SEPTIN14: variants seen among roughly 807,000 people sequenced by gnomAD.
SEPTIN14 encodes the protein septin 14.
Under a neutral mutation model 53.6 loss-of-function variants are expected in SEPTIN14, and 40 were observed. The ratio of observed to expected loss-of-function variants is 0.75; its 90% CI spans 0.58 to 0.97. The LOEUF (loss-of-function observed/expected upper bound fraction) is 0.97, where lower values mean the gene tolerates loss of function less well. SEPTIN14 is among the 50% of genes least tolerant of loss of function. The probability of loss-of-function intolerance (pLI) is 0.00; values close to 1 mark genes in which losing one functional copy is unlikely to be tolerated. For synonymous variants in SEPTIN14, 138 were observed against 166.8 expected (o/e 0.83, Z 1.33); for missense variants, 471 against 508.2 (o/e 0.93, Z 0.70).
At chr7:55,831,356 CA>C (rs1789106606) in intron 6 of SEPTIN14, among the ~76,000 whole-genome samples, 1 of 151,940 alleles carries the variant, frequency 6.6e-6, no homozygotes, top group South Asian at 2.1e-4. Context: ...ACAAAGTTGG[CA>C]AAAATAAACA....
Position 55,807,590 on chromosome 7 carries a change from T to C in SEPTIN14, c.818-332A>G, listed in dbSNP as rs1321418283. Among the ~76,000 whole-genome samples the C allele has an allele frequency of 2.0e-5, 3 of 152,302 alleles. No individual in the cohort carries two copies. In the East Asian group the frequency reaches 5.8e-4, roughly 29 times the overall value. ...ATGTTATAAACTACCTCTGGGTATT[T>C]TGGAGTGCTAACAGAATATGTAATA... is the stretch of plus-strand genomic sequence containing the variant. On this transcript the variant is annotated intron_variant, in intron 7 of 9. Coordinates refer to ENST00000388975, the MANE Select transcript of SEPTIN14 (RefSeq NM_207366.3).
chr7:55,831,323 T>C lies in SEPTIN14; in HGVS notation c.720+3102A>G, dbSNP rs549171985. Reference sequence around the variant, plus strand: ...ATAAAGAACCAGTAATAAAATCACATGCCTACAACCAAGTGATGTTTGACA... The same window carrying C: ...ATAAAGAACCAGTAATAAAATCACACGCCTACAACCAAGTGATGTTTGACA... On this transcript the variant is annotated intron_variant, in intron 6 of 9. Coordinates refer to ENST00000388975, the MANE Select transcript of SEPTIN14 (RefSeq NM_207366.3). 2.0e-5 allele frequency among the ~76,000 whole-genome samples: 3 copies of C among 152,232 alleles called. No individual in the cohort carries two copies. The East Asian group carries it at 5.8e-4, about 29-fold the overall frequency.
intron 7 of SEPTIN14, among the ~76,000 whole-genome samples, chr7:55,812,981 G>A (rs1488854458): frequency 1.3e-5 from 2 of 150,586 alleles, no homozygotes; most frequent in African/African-American, 2.4e-5. Context: ...ATGGAGTCTC[G>A]CTCTTTCACG....
chr7:55,836,088 C>A (rs1044649265), intron 5 of SEPTIN14, among the ~76,000 whole-genome samples: 1 of 151,794 alleles, frequency 6.6e-6, no homozygotes, highest in African/African-American at 2.4e-5. Flanking sequence ...TGTGTGTGTG[C>A]GCGTGTGTGT....
chr7:55,810,832 T>C (rs925339333), intron 7 of SEPTIN14: 26 of 295,708 alleles, frequency 8.8e-5, no homozygotes, highest in African/African-American at 4.4e-4. Flanking sequence ...CCAGGGATCA[T>C]GAAGACCCTC....
chr7:55,861,472 A>C (rs2116091588), intron 2 of SEPTIN14, among the ~76,000 whole-genome samples: 1 of 151,826 alleles, frequency 6.6e-6, no homozygotes, highest in East Asian at 1.9e-4. Flanking sequence ...ACTGCACTCC[A>C]GCCTGAGCAA....
At chr7:55,852,786 C>T (rs1265349852) in intron 2 of SEPTIN14, among the ~76,000 whole-genome samples, 3 of 152,068 alleles carry the variant, frequency 2.0e-5, no homozygotes, top group African/African-American at 7.2e-5. Flanking sequence ...TGCAAACTAT[C>T]CCCCGATAAG....
At chr7:55,809,978 G>T (rs985391334) in intron 7 of SEPTIN14, among the ~76,000 whole-genome samples, 1 of 151,790 alleles carries the variant, frequency 6.6e-6, no homozygotes, top group East Asian at 2.0e-4. Context: ...GACTACAGGC[G>T]CCCGTCACTA....
chr7:55,808,070 T>C (rs192835882), intron 7 of SEPTIN14, among the ~76,000 whole-genome samples: 1 of 152,318 alleles, frequency 6.6e-6, no homozygotes, highest in African/African-American at 2.4e-5. Context: ...GGGACTTAGA[T>C]ACCCTACTTT....
At chr7:55,810,883 T>A (rs1788689303) in intron 7 of SEPTIN14, 1 of 346,178 alleles carries the variant, frequency 2.9e-6, no homozygotes, top group South Asian at 2.5e-5. Context: ...GGCTTCACTA[T>A]GGACACATCC....
chr7:55,840,996 T>G (rs1018598730), intron 5 of SEPTIN14, among the ~76,000 whole-genome samples: 2 of 152,148 alleles, frequency 1.3e-5, no homozygotes, highest in African/African-American at 2.4e-5. Context: ...GCCTCCCTGG[T>G]TCAAGCGATT....
intron 5 of SEPTIN14, among the ~76,000 whole-genome samples, chr7:55,836,970 T>C (rs1301434337): frequency 1.3e-5 from 2 of 152,176 alleles, no homozygotes; most frequent in African/African-American, 4.8e-5. Context: ...TTCAACTAAA[T>C]AAAGATGTCT....
Position 55,794,515 on chromosome 7 carries a change from T to C in SEPTIN14, c.*1398A>G. 6.6e-6 allele frequency: 1 copy of C among 152,198 alleles called. No homozygotes were observed. The highest frequency in any genetic ancestry group is 1.5e-5 in the Non-Finnish European group (1 of 68,038). The allele number at this position is 152,198 out of a possible 1,614,324, so 9.4% of individuals were successfully genotyped here. On this transcript the variant is annotated 3_prime_UTR_variant, in exon 10 of 10. Coordinates refer to ENST00000388975, the MANE Select transcript of SEPTIN14 (RefSeq NM_207366.3). ...TTTTCTAGGCCTAGGAATGGATACA[T>C]AAGTGAACAAAGCAAAGATTCTGGT...
At chr7:55,824,104 C>A (rs571938925) in intron 6 of SEPTIN14, among the ~76,000 whole-genome samples, 2 of 152,280 alleles carry the variant, frequency 1.3e-5, no homozygotes, top group East Asian at 3.9e-4. Context: ...CGATATAACA[C>A]TGAAAACATC....
intron 7 of SEPTIN14, among the ~76,000 whole-genome samples, chr7:55,810,572 T>C (rs1788682417): frequency 6.6e-6 from 1 of 151,470 alleles, no homozygotes. Context: ...CCTCCCGGGT[T>C]TAAGCAATTC....
At chr7:55,832,235 AC>A (rs1233179090) in intron 6 of SEPTIN14, among the ~76,000 whole-genome samples, 2 of 149,964 alleles carry the variant, frequency 1.3e-5, no homozygotes, top group Non-Finnish European at 2.9e-5. Context: ...ACACACACAC[AC>A]ACACACACAA....
chr7:55,861,295 C>T (rs529629339), intron 2 of SEPTIN14, among the ~76,000 whole-genome samples: 7 of 152,006 alleles, frequency 4.6e-5, no homozygotes, highest in African/African-American at 1.7e-4. Flanking sequence ...GTCAGGAGTT[C>T]GAGACCAGCC....
At chr7:55,830,346 TATA>T (rs1485784662) in intron 6 of SEPTIN14, among the ~76,000 whole-genome samples, 545 of 24,202 alleles carry the variant, frequency 0.023, 16 homozygotes, top group South Asian at 0.045. Flanking sequence ...TATATATATA[TATA>T]TTTTTTTTTT....
At chr7:55,809,568 G>A (rs373094505) in intron 7 of SEPTIN14, among the ~76,000 whole-genome samples, 1 of 151,284 alleles carries the variant, frequency 6.6e-6, no homozygotes, top group Non-Finnish European at 1.5e-5. Context: ...TGTTGGTCAG[G>A]CTAGTCTTGA....
Sources: gnomAD v4.1 joint callset for allele counts (sites outside exome capture counted in the v4.1 genomes callset) on GRCh38, gnomAD v4.1.1 for gene constraint, MANE v1.5 for transcripts, NCBI Gene and HGNC (gene_info 2026-07-23, HGNC 2026-07-21) for gene names.